The following SUCLG2 variants were observed in gnomAD, a reference collection of about 807,000 sequenced individuals.
SUCLG2 encodes succinate--CoA ligase [GDP-forming] subunit beta, mitochondrial.
SUCLG2 carries 42 observed loss-of-function variants against 47.9 expected under a neutral mutation model. That is an observed-to-expected ratio of 0.88 (90% CI 0.69 to 1.14). SUCLG2 has a LOEUF of 1.14. Among genes scored for constraint, SUCLG2 ranks in the 50% most tolerant of loss-of-function variants. The pLI is 0.00. For synonymous variants in SUCLG2, 195 were observed against 197.3 expected (o/e 0.99, Z 0.10); for missense variants, 571 against 525.9 (o/e 1.09, Z -0.84).
chr3:67,642,949 T>TGA (rs1405052748), intron 1 of SUCLG2, among the ~76,000 whole-genome samples: 1 of 150,830 alleles, frequency 6.6e-6, no homozygotes, highest in Middle Eastern at 3.2e-3. Context: ...TGTGTGTGTG[T>TGA]GTGAGAGAGA....
chr3:67,571,485 A>G (rs1707605514), intron 2 of SUCLG2, among the ~76,000 whole-genome samples: 1 of 152,208 alleles, frequency 6.6e-6, no homozygotes, highest in African/African-American at 2.4e-5. Context: ...CCAAATGCCA[A>G]TTCCACATAA....
intron 9 of SUCLG2, among the ~76,000 whole-genome samples, chr3:67,407,096 C>T (rs74727963): frequency 0.053 from 8,107 of 152,208 alleles, 308 homozygotes; most frequent in Middle Eastern, 0.13. Context: ...ACTACTTACC[C>T]TTGTTGCAGC....
chr3:67,480,162 G>A (rs1404771172), intron 9 of SUCLG2, among the ~76,000 whole-genome samples: 1 of 152,076 alleles, frequency 6.6e-6, no homozygotes, highest in African/African-American at 2.4e-5. Context: ...AGTACTCATG[G>A]TATGTGAAAC....
intron 9 of SUCLG2, among the ~76,000 whole-genome samples, chr3:67,473,791 T>C (rs1054151194): frequency 6.6e-6 from 1 of 152,212 alleles, no homozygotes; most frequent in African/African-American, 2.4e-5. Context: ...TGTGTTTAAT[T>C]AAAACCACTT....
chr3:67,644,212 A>G (rs932300865), intron 1 of SUCLG2, among the ~76,000 whole-genome samples: 2 of 152,320 alleles, frequency 1.3e-5, no homozygotes, highest in Middle Eastern at 3.4e-3. Flanking sequence ...TCACATAGCC[A>G]AAAAGGGAAA....
chr3:67,623,419 C>T (rs1196574856), intron 1 of SUCLG2, among the ~76,000 whole-genome samples: 22 of 152,116 alleles, frequency 1.4e-4, no homozygotes, highest in South Asian at 1.0e-3. Context: ...GAGAATGGCG[C>T]GAACCCGAGA....
chr3:67,401,547 C>T (rs1702683186), intron 9 of SUCLG2, among the ~76,000 whole-genome samples: 1 of 140,520 alleles, frequency 7.1e-6, no homozygotes, highest in African/African-American at 2.6e-5. Context: ...CTTGTTTGTA[C>T]ATATTCCATA....
At chr3:67,613,154 G>A (rs771553410) in intron 1 of SUCLG2, among the ~76,000 whole-genome samples, 2 of 152,136 alleles carry the variant, frequency 1.3e-5, no homozygotes, top group Non-Finnish European at 2.9e-5. Context: ...AGCCATTGGC[G>A]ATTAACTCAA....
chr3:67,579,477 A>C (rs143376498), intron 2 of SUCLG2, among the ~76,000 whole-genome samples: 2 of 152,328 alleles, frequency 1.3e-5, no homozygotes, highest in African/African-American at 4.8e-5. Context: ...ATTTTTTAAA[A>C]ATCTTATTAC....
At chr3:67,463,663 C>A (rs1046884485) in intron 9 of SUCLG2, among the ~76,000 whole-genome samples, 3 of 152,166 alleles carry the variant, frequency 2.0e-5, no homozygotes, top group African/African-American at 7.2e-5. Flanking sequence ...TCAAGAGTTC[C>A]TGTTGGTACC....
At chr3:67,524,173 C>T (rs774048096) in intron 4 of SUCLG2, among the ~76,000 whole-genome samples, 1 of 152,180 alleles carries the variant, frequency 6.6e-6, no homozygotes, top group Non-Finnish European at 1.5e-5. Flanking sequence ...ATGGAATCCA[C>T]AAACACTCAT....
chr3:67,423,452 A>G (rs1703221567), intron 9 of SUCLG2, among the ~76,000 whole-genome samples: 1 of 152,156 alleles, frequency 6.6e-6, no homozygotes, highest in Non-Finnish European at 1.5e-5. Context: ...GCATGTTTGT[A>G]ATGTTTCCAT....
At chr3:67,479,698 T>G (rs1442286131) in intron 9 of SUCLG2, among the ~76,000 whole-genome samples, 1 of 152,172 alleles carries the variant, frequency 6.6e-6, no homozygotes, top group African/African-American at 2.4e-5. Context: ...AAAGAAGCAG[T>G]TGATGGTAAC....
chr3:67,480,105 T>C (rs529977026), intron 9 of SUCLG2, among the ~76,000 whole-genome samples: 16 of 150,776 alleles, frequency 1.1e-4, no homozygotes, highest in South Asian at 2.1e-4. Flanking sequence ...TGGGCCACCA[T>C]AGGACGCAAG....
rs113532034 is a variant in SUCLG2 at position 67,520,637 on chromosome 3, A to G, written c.418-3T>C. 3 of 1,602,482 alleles carry G rather than the reference A, an allele frequency of 1.9e-6. No individual in the cohort carries two copies. In the African/African-American group the frequency reaches 4.1e-5, roughly 22 times the overall value. On this transcript the variant is annotated splice_region_variant and splice_polypyrimidine_tract_variant and intron_variant, in intron 4 of 10. Coordinates refer to ENST00000307227, the MANE Select transcript of SUCLG2 (RefSeq NM_003848.4). ...TCCAAGGCTTCAGCAACCATCACCT[A>G]CCACATTAGTGGGAAAGTCAAATTA...
At chr3:67,643,583 T>C (rs1701140750) in intron 1 of SUCLG2, among the ~76,000 whole-genome samples, 1 of 152,228 alleles carries the variant, frequency 6.6e-6, no homozygotes, top group East Asian at 1.9e-4. Flanking sequence ...CAAATTGGAA[T>C]GTCTTTAGTG....
chr3:67,410,325 T>C (rs1559515905), intron 9 of SUCLG2, among the ~76,000 whole-genome samples: 1 of 152,180 alleles, frequency 6.6e-6, no homozygotes, highest in Non-Finnish European at 1.5e-5. Context: ...AATGCTTCTG[T>C]AGTTGTCAGC....
chr3:67,604,164 TATGC>T (rs749397156), intron 2 of SUCLG2, among the ~76,000 whole-genome samples: 119 of 152,204 alleles, frequency 7.8e-4, no homozygotes, highest in Non-Finnish European at 1.4e-3. Context: ...AAACAAAATG[TATGC>T]ATTACCCATT....
At chr3:67,646,320 G>C (rs1310675565) in intron 1 of SUCLG2, among the ~76,000 whole-genome samples, 1 of 152,112 alleles carries the variant, frequency 6.6e-6, no homozygotes, top group Non-Finnish European at 1.5e-5. Context: ...AGTTTGGCCG[G>C]GCACGGTGGC....
Sources: allele counts gnomAD v4.1 joint callset (sites outside exome capture counted in the v4.1 genomes callset), GRCh38; gene constraint gnomAD v4.1.1; transcripts MANE v1.5; gene names NCBI Gene and HGNC (gene_info 2026-07-23, HGNC 2026-07-21).